Variants in CHRM5 observed in about 807,000 individuals in gnomAD.
CHRM5 encodes the protein cholinergic receptor muscarinic 5, also known as muscarinic acetylcholine receptor M5.
CHRM5 carries 18 observed loss-of-function variants against 39.0 expected under a neutral mutation model. The ratio of observed to expected loss-of-function variants is 0.46; its 90% CI spans 0.32 to 0.68. The LOEUF is 0.68. Ranked by LOEUF, CHRM5 falls within the 30% of genes least tolerant of loss-of-function variation. The pLI is 0.04. For missense variants in CHRM5, 515 were observed against 651.1 expected, an observed-to-expected ratio of 0.79 and a Z score of 2.28; for synonymous variants, 241 against 246.3, an observed-to-expected ratio of 0.98 and a Z score of 0.20.
intron 1 of CHRM5, among the ~76,000 whole-genome samples, chr15:34,010,422 T>G (rs1290125768): frequency 6.6e-6 from 1 of 152,160 alleles, no homozygotes; most frequent in Non-Finnish European, 1.5e-5. Flanking sequence ...CAGAAGTTAT[T>G]AATACTAATA....
At chr15:34,015,768 C>T (rs1897876140) in intron 1 of CHRM5, among the ~76,000 whole-genome samples, 1 of 152,204 alleles carries the variant, frequency 6.6e-6, no homozygotes, top group South Asian at 2.1e-4. Flanking sequence ...ATCTTCACTC[C>T]ATCCCTTTCC....
At position 34,066,152 on chromosome 15, in the gene CHRM5, G is replaced by C. The variant is rs1900504797; in HGVS notation, c.*1836G>C. 1.3e-5 allele frequency: 2 copies of C among 152,274 alleles called. No individual in the cohort carries two copies. Among genetic ancestry groups the C allele is most frequent in the South Asian group, 4.1e-4 (2 of 4,840 alleles). 9.4% of individuals were successfully genotyped at this position (152,274 alleles called of 1,614,324 possible). On this transcript the variant is annotated 3_prime_UTR_variant, in exon 3 of 3. Coordinates refer to ENST00000383263, the MANE Select transcript of CHRM5 (RefSeq NM_012125.4). ...ATCTGCTGAGCCTTTGTAAAGGGCAGGTTGACACCTGCAAAGAATTCGGTG... is the reference window on the plus strand; with the variant it reads ...ATCTGCTGAGCCTTTGTAAAGGGCACGTTGACACCTGCAAAGAATTCGGTG...
At chr15:34,057,659 T>G (rs1279950266) in intron 2 of CHRM5, among the ~76,000 whole-genome samples, 2 of 152,166 alleles carry the variant, frequency 1.3e-5, no homozygotes, top group Non-Finnish European at 2.9e-5. Flanking sequence ...GAGCCATATG[T>G]TGTAGCCCAC....
At chr15:34,045,315 T>TAAG (rs1899645213) in intron 1 of CHRM5, among the ~76,000 whole-genome samples, 1 of 152,284 alleles carries the variant, frequency 6.6e-6, no homozygotes, top group African/African-American at 2.4e-5. Flanking sequence ...TCAGAGGTAT[T>TAAG]AAGAGGTCAT....
At chr15:34,029,912 A>G (rs1005101306) in intron 1 of CHRM5, among the ~76,000 whole-genome samples, 1 of 152,216 alleles carries the variant, frequency 6.6e-6, no homozygotes, top group Non-Finnish European at 1.5e-5. Flanking sequence ...AGTCCTCAAT[A>G]TCATGAATCC....
chr15:34,008,585 T>C (rs1597343518), intron 1 of CHRM5, among the ~76,000 whole-genome samples: 1 of 147,940 alleles, frequency 6.8e-6, no homozygotes, highest in Non-Finnish European at 1.5e-5. Flanking sequence ...GCCTCCCGGG[T>C]TCAAGTCATT....
chr15:34,060,604 G>A (rs977137882), intron 2 of CHRM5, among the ~76,000 whole-genome samples: 2 of 152,168 alleles, frequency 1.3e-5, no homozygotes, highest in African/African-American at 4.8e-5. Context: ...CACCGGGCAC[G>A]GTGGCTTTCG....
At chr15:34,022,419 A>C (rs1898241721) in intron 1 of CHRM5, among the ~76,000 whole-genome samples, 1 of 152,198 alleles carries the variant, frequency 6.6e-6, no homozygotes, top group African/African-American at 2.4e-5. Context: ...ATTTAATTAA[A>C]AGAAAGGGCA....
chr15:34,058,206 GTATTAATC>G (rs1900224242), intron 2 of CHRM5, among the ~76,000 whole-genome samples: 1 of 152,114 alleles, frequency 6.6e-6, no homozygotes. Flanking sequence ...ACTGATTTCA[GTATTAATC>G]ATATCTGAAA....
intron 1 of CHRM5, among the ~76,000 whole-genome samples, chr15:33,979,377 G>A (rs1896034633): frequency 6.6e-6 from 1 of 151,954 alleles, no homozygotes; most frequent in Non-Finnish European, 1.5e-5. Flanking sequence ...GGCATGCTAG[G>A]GTGTGGCTGT....
chr15:34,014,674 A>C (rs1320852220), intron 1 of CHRM5, among the ~76,000 whole-genome samples: 2 of 152,158 alleles, frequency 1.3e-5, no homozygotes, highest in Non-Finnish European at 2.9e-5. Flanking sequence ...TCCCAAAACA[A>C]ACAACAGGCA....
intron 2 of CHRM5, among the ~76,000 whole-genome samples, chr15:34,060,391 T>G (rs1900295416): frequency 6.6e-6 from 1 of 152,174 alleles, no homozygotes; most frequent in African/African-American, 2.4e-5. Flanking sequence ...CCATATTGAA[T>G]TTGAGGTGTT....
chr15:34,004,936 A>G (rs866451521), intron 1 of CHRM5, among the ~76,000 whole-genome samples: 8 of 152,216 alleles, frequency 5.3e-5, no homozygotes, highest in South Asian at 2.1e-4. Context: ...AATTATTAAA[A>G]CAACTCATCT....
chr15:33,999,795 C>G (rs1392082260), intron 1 of CHRM5, among the ~76,000 whole-genome samples: 2 of 152,182 alleles, frequency 1.3e-5, no homozygotes, highest in Non-Finnish European at 2.9e-5. Flanking sequence ...TCTACCCGCT[C>G]CCCTCTTGCC....
At chr15:33,974,650 G>A (rs1330046788) in intron 1 of CHRM5, among the ~76,000 whole-genome samples, 1 of 152,192 alleles carries the variant, frequency 6.6e-6, no homozygotes, top group South Asian at 2.1e-4. Flanking sequence ...AGAAATCTGT[G>A]ATTTGATGTT....
At chr15:33,999,819 T>C (rs1362915362) in intron 1 of CHRM5, among the ~76,000 whole-genome samples, 3 of 152,206 alleles carry the variant, frequency 2.0e-5, no homozygotes, top group Admixed American at 2.0e-4. Context: ...CTTCAGTTCC[T>C]TCCAACACAG....
chr15:34,007,265 CA>C (rs1897397586), intron 1 of CHRM5, among the ~76,000 whole-genome samples: 1 of 152,236 alleles, frequency 6.6e-6, no homozygotes, highest in African/African-American at 2.4e-5. Context: ...TTTTTGACCT[CA>C]CCTGCTCTGC....
At chr15:33,992,258 C>T (rs1237188614) in intron 1 of CHRM5, among the ~76,000 whole-genome samples, 90 of 152,234 alleles carry the variant, frequency 5.9e-4, no homozygotes, top group Non-Finnish European at 8.8e-5. Context: ...GGCGTGGTGG[C>T]GGGCACCTGT....
At chr15:33,980,046 A>G (rs1274161504) in intron 1 of CHRM5, among the ~76,000 whole-genome samples, 4 of 152,238 alleles carry the variant, frequency 2.6e-5, no homozygotes, top group African/African-American at 9.6e-5. Flanking sequence ...GAGAATAACA[A>G]GGGAGAAGAT....
Sources: allele counts gnomAD v4.1 joint callset (sites outside exome capture counted in the v4.1 genomes callset), GRCh38; gene constraint gnomAD v4.1.1; transcripts MANE v1.5; gene names NCBI Gene and HGNC (gene_info 2026-07-23, HGNC 2026-07-21).